NAV2: variants seen among roughly 807,000 people sequenced by gnomAD.
NAV2 encodes the protein neuron navigator 2, also known as helicase, APC down-regulated 1.
NAV2 carries 54 observed loss-of-function variants against 223.2 expected under a neutral mutation model. That is an observed-to-expected ratio of 0.24 (90% CI 0.19 to 0.30). The LOEUF (loss-of-function observed/expected upper bound fraction) is 0.30, where lower values mean the gene tolerates loss of function less well. Among genes scored for constraint, NAV2 ranks in the 10% least tolerant of loss-of-function variants. The pLI is 1.00. For missense variants in NAV2, 2,806 were observed against 3,147.5 expected, an observed-to-expected ratio of 0.89 and a Z score of 2.60; for synonymous variants, 1,279 against 1,239.3, an observed-to-expected ratio of 1.03 and a Z score of -0.67.
At chr11:19,723,589 T>C (rs976673671) in intron 1 of NAV2, among the ~76,000 whole-genome samples, 7 of 152,210 alleles carry the variant, frequency 4.6e-5, no homozygotes, top group Non-Finnish European at 7.4e-5. Context: ...TTCCCCCTCG[T>C]TGGGGCCTTC....
intron 1 of NAV2, among the ~76,000 whole-genome samples, chr11:19,355,529 A>C (rs1199763069): frequency 6.6e-6 from 1 of 152,102 alleles, no homozygotes; most frequent in East Asian, 1.9e-4. Flanking sequence ...TGGCATTCCC[A>C]ATTTCCTCGT....
At chr11:19,704,506 T>C (rs779234035) in intron 1 of NAV2, among the ~76,000 whole-genome samples, 5 of 152,194 alleles carry the variant, frequency 3.3e-5, no homozygotes, top group Non-Finnish European at 7.3e-5. Flanking sequence ...AGTAAGATAC[T>C]CAAACCTCTC....
intron 10 of NAV2, among the ~76,000 whole-genome samples, chr11:19,955,127 C>G (rs904962215): frequency 1.3e-5 from 2 of 152,080 alleles, no homozygotes; most frequent in South Asian, 4.2e-4. Context: ...TATTTGTTGG[C>G]TGGGCATGGT....
chr11:19,865,126 T>A (rs2062014862), intron 3 of NAV2, among the ~76,000 whole-genome samples: 1 of 152,238 alleles, frequency 6.6e-6, no homozygotes, highest in Non-Finnish European at 1.5e-5. Context: ...AGTTTGGTCT[T>A]ATTTACATAC....
Position 19,598,429 on chromosome 11 carries a change from C to T in NAV2, c.76-234055C>T, listed in dbSNP as rs140505363. ...TTTTTCAGTCTGACCTGCTTTTATGCTGCTTTGTCTTTTTAACTTTTATCC... is the reference window on the plus strand; with the variant it reads ...TTTTTCAGTCTGACCTGCTTTTATGTTGCTTTGTCTTTTTAACTTTTATCC... On this transcript the variant is annotated intron_variant, in intron 1 of 37. Transcript: ENST00000360655. 7.9e-5 allele frequency among the ~76,000 whole-genome samples: 12 copies of T among 152,322 alleles called. 1 individual carries two copies. The East Asian group carries it at 2.3e-3, about 29-fold the overall frequency.
At chr11:20,032,764 AGCT>A (rs1486875116) in intron 11 of NAV2, among the ~76,000 whole-genome samples, 1 of 152,188 alleles carries the variant, frequency 6.6e-6, no homozygotes, top group African/African-American at 2.4e-5. Context: ...TTGGGCAGGG[AGCT>A]GGGCTTAGAA....
rs1853296292 is a variant in NAV2, at chr11:19,351,301, G to A, written c.75+274G>A. Among the ~76,000 whole-genome samples, 4 of 152,344 alleles carry A rather than the reference G, an allele frequency of 2.6e-5. No homozygotes were observed. In the South Asian group the frequency reaches 8.3e-4, roughly 32 times the overall value. ...TTAACTGAGGGAGTTAACAAAAAAT[G>A]TTGGTGTTCTCAAAATCCAATATGA... On this transcript the variant is annotated intron_variant, in intron 1 of 37. Coordinates refer to the NAV2 transcript ENST00000360655.
At chr11:19,964,958 T>C (rs950760233) in intron 10 of NAV2, among the ~76,000 whole-genome samples, 1 of 152,022 alleles carries the variant, frequency 6.6e-6, no homozygotes, top group Admixed American at 6.6e-5. Context: ...TAGCTGGGAT[T>C]ACAGGTGCGT....
At chr11:19,530,790 C>T (rs2044006544) in intron 1 of NAV2, among the ~76,000 whole-genome samples, 1 of 152,214 alleles carries the variant, frequency 6.6e-6, no homozygotes, top group Non-Finnish European at 1.5e-5. Flanking sequence ...CTCAAAACAG[C>T]CCTGAAAGGT....
chr11:19,596,690 G>C (rs1229854725), intron 1 of NAV2, among the ~76,000 whole-genome samples: 2 of 152,212 alleles, frequency 1.3e-5, no homozygotes, highest in Non-Finnish European at 2.9e-5. Flanking sequence ...ACTGTTTGCT[G>C]AGACTTCCAC....
At chr11:19,519,818 G>C (rs1010149980) in intron 1 of NAV2, 4 of 151,766 alleles carry the variant, frequency 2.6e-5, no homozygotes, top group African/African-American at 4.8e-5. Flanking sequence ...ATCACCAGAG[G>C]AGTGATGATT....
chr11:19,679,985 G>T (rs2048836965), intron 1 of NAV2, among the ~76,000 whole-genome samples: 1 of 152,234 alleles, frequency 6.6e-6, no homozygotes, highest in Non-Finnish European at 1.5e-5. Flanking sequence ...GGGGGCCAAG[G>T]CACCTGGAGT....
rs551997536 is a variant in NAV2 at position 19,528,554 on chromosome 11, A to T, written c.75+177527A>T. On this transcript the variant is annotated intron_variant, in intron 1 of 37. Transcript: ENST00000360655. ...CAGAGGCGGCTGGAAGGCATTTGCC[A>T]GCTCCCTTCCAAAATGAAGCTAGCT... 4.6e-5 allele frequency among the ~76,000 whole-genome samples: 7 copies of T among 152,302 alleles called. No individual in the cohort carries two copies. In the South Asian group the frequency reaches 6.2e-4, roughly 14 times the overall value.
chr11:19,870,346 T>A (rs1590984948), intron 4 of NAV2, among the ~76,000 whole-genome samples: 1 of 152,066 alleles, frequency 6.6e-6, no homozygotes, highest in South Asian at 2.1e-4. Flanking sequence ...TGCTGGCTGG[T>A]AGGTGGCAGG....
chr11:19,708,805 C>A (rs12286203), upstream of NAV2, among the ~76,000 whole-genome samples: 1 of 149,790 alleles, frequency 6.7e-6, no homozygotes, highest in African/African-American at 2.5e-5. Flanking sequence ...TCTGCAAGTT[C>A]TGAGCCAGAA....
At chr11:19,880,272 C>T in intron 5 of NAV2, 145 bp downstream of exon 5, 1 of 1,170,190 alleles carries the variant, frequency 8.5e-7, no homozygotes. Context: ...ATTAGCATGG[C>T]CTTGAAATGC....
At chr11:19,629,208 C>CTCACCAGCCT (rs1179274874) in intron 1 of NAV2, among the ~76,000 whole-genome samples, 1 of 152,122 alleles carries the variant, frequency 6.6e-6, no homozygotes, top group Non-Finnish European at 1.5e-5. Flanking sequence ...CCCAACCCCA[C>CTCACCAGCCT]TCACCAGCCT....
chr11:20,105,438 A>T (rs1385984407), intron 34 of NAV2, 93 bp from the exon 35 acceptor site: 2 of 1,024,082 alleles, frequency 2.0e-6, no homozygotes, highest in Non-Finnish European at 3.0e-6. Flanking sequence ...ATTAGCATAT[A>T]CACCTTCTGT....
chr11:19,588,168 A>C (rs1237197649), intron 1 of NAV2, among the ~76,000 whole-genome samples: 1 of 152,236 alleles, frequency 6.6e-6, no homozygotes, highest in Non-Finnish European at 1.5e-5. Context: ...ATTTCGGGCC[A>C]GTTCAAAGGT....
Sources: allele counts gnomAD v4.1 joint callset (sites outside exome capture counted in the v4.1 genomes callset), GRCh38; gene constraint gnomAD v4.1.1; transcripts MANE v1.5; gene names NCBI Gene and HGNC (gene_info 2026-07-23, HGNC 2026-07-21).